The following ZFP64 variants were observed in gnomAD, a reference collection of about 807,000 sequenced individuals.
The protein encoded by ZFP64 is zinc finger protein 64.
A neutral mutation model predicts 51.6 loss-of-function variants in ZFP64; 14 were observed. That is an observed-to-expected ratio of 0.27 (90% CI 0.18 to 0.42). ZFP64 has a LOEUF of 0.42. Among genes scored for constraint, ZFP64 ranks in the 10% least tolerant of loss-of-function variants. The pLI is 1.00. For synonymous variants in ZFP64, 375 were observed against 361.4 expected (o/e 1.04, Z -0.43); for missense variants, 754 against 906.8 (o/e 0.83, Z 2.16).
chr20:52,153,541 T>G lies in ZFP64; in HGVS notation c.764-113A>C. 7.1e-7 allele frequency: 1 copy of G among 1,416,298 alleles called. No homozygotes were observed. The highest frequency in any genetic ancestry group is 9.3e-7 in the Non-Finnish European group (1 of 1,075,856). 87.7% of individuals were successfully genotyped at this position (1,416,298 alleles called of 1,614,324 possible). A position where few individuals can be genotyped will look rare whatever the true frequency, so the allele number is the denominator to read the frequency against. ...ACAAGGTGGGTGGGTGCAGACCTCC[T>G]AACTGCAGCTTCTAGCAGCCCCTGG... On this transcript the variant is annotated intron_variant, in intron 5 of 5. Coordinates refer to ENST00000216923, the MANE Select transcript of ZFP64 (RefSeq NM_018197.3). The surrounding 1 kb of genome is among the most constrained non-coding windows in gnomAD (Gnocchi z 5.1).
intron 5 of ZFP64, among the ~76,000 whole-genome samples, chr20:52,107,539 T>C (rs1386363193): frequency 1.3e-5 from 2 of 152,226 alleles, no homozygotes; most frequent in African/African-American, 4.8e-5. Flanking sequence ...CTCATTCATT[T>C]GCTTTGTCTC....
intron 2 of ZFP64, among the ~76,000 whole-genome samples, chr20:52,179,744 C>T (rs552481562): frequency 1.1e-4 from 16 of 152,302 alleles, no homozygotes; most frequent in African/African-American, 3.8e-4. Flanking sequence ...ATAAGGAAAA[C>T]CTCAGAGGGT....
chr20:52,102,107 C>CAAAAAAAAAAAAAAAAAAAAAAAT (rs34646115), intron 5 of ZFP64, among the ~76,000 whole-genome samples: 2 of 63,438 alleles, frequency 3.2e-5, no homozygotes, highest in Admixed American at 1.9e-4. Flanking sequence ...ACTCCATCTC[C>CAAAAAAAAAAAAAAAAAAAAAAAT]AAAAAAAAAA....
chr20:52,099,645 C>T (rs2093839863), intron 5 of ZFP64, among the ~76,000 whole-genome samples: 1 of 152,122 alleles, frequency 6.6e-6, no homozygotes, highest in African/African-American at 2.4e-5. Flanking sequence ...GAGCATTCCC[C>T]ATAGTCTAAG....
intron 3 of ZFP64, chr20:52,165,457 A>C: frequency 2.2e-6 from 1 of 460,642 alleles, no homozygotes; most frequent in Non-Finnish European, 4.3e-6. Context: ...CATTTGGGGA[A>C]TCTAGATGAA....
At chr20:52,111,626 T>A (rs919370302) in intron 5 of ZFP64, among the ~76,000 whole-genome samples, 12 of 152,086 alleles carry the variant, frequency 7.9e-5, no homozygotes, top group Non-Finnish European at 1.2e-4. Flanking sequence ...TATCTGTAAT[T>A]CTCGCAACTC....
intron 4 of ZFP64, among the ~76,000 whole-genome samples, chr20:52,162,472 G>A (rs4811302): frequency 0.66 from 99,386 of 151,444 alleles, 33,856 homozygotes; most frequent in African/African-American, 0.85. Context: ...CAAAAATACA[G>A]AAAAACTAGC....
chr20:52,120,559 A>G (rs1979131532), intron 5 of ZFP64, among the ~76,000 whole-genome samples: 3 of 147,582 alleles, frequency 2.0e-5, no homozygotes, highest in East Asian at 2.0e-4. Flanking sequence ...TATCGGCTTC[A>G]TTTTTCCAAT....
intron 2 of ZFP64, among the ~76,000 whole-genome samples, chr20:52,176,571 G>A (rs1021223579): frequency 3.7e-4 from 55 of 150,154 alleles, no homozygotes; most frequent in African/African-American, 1.2e-3. Flanking sequence ...CTGCAGTGGC[G>A]CAATCTCGGC....
At chr20:52,187,107 C>T in intron 1 of ZFP64, 36 bp from the exon 2 acceptor site, 1 of 1,580,390 alleles carries the variant, frequency 6.3e-7, no homozygotes, top group Non-Finnish European at 8.6e-7. Flanking sequence ...GGATTAATTC[C>T]AAACAGCTTT....
Position 52,166,664 on chromosome 20 carries a change from C to T in ZFP64, c.287-639G>A, listed in dbSNP as rs367912419. Among the ~76,000 whole-genome samples the T allele has an allele frequency of 2.0e-4, 30 of 152,140 alleles. No individual in the cohort carries two copies. In the East Asian group the frequency reaches 2.7e-3, roughly 14 times the overall value. On this transcript the variant is annotated intron_variant, in intron 2 of 5. Transcript: ENST00000216923. The stretch of plus-strand genomic sequence containing the variant: ...AAGACTGGGGTCTCGCCATGCTGCG[C>T]GGGCTGGTCTCAAACTCCTGAGCTC...
chr20:52,189,253 G>T (rs1163267773), intron 1 of ZFP64, among the ~76,000 whole-genome samples: 1 of 151,648 alleles, frequency 6.6e-6, no homozygotes, highest in Non-Finnish European at 1.5e-5. Flanking sequence ...AAAATTAGCT[G>T]GGTGTGGTGG....
intron 2 of ZFP64, among the ~76,000 whole-genome samples, chr20:52,184,597 G>A (rs1479158184): frequency 1.3e-5 from 2 of 151,946 alleles, no homozygotes; most frequent in East Asian, 3.9e-4. Context: ...TCCATTGTTG[G>A]AATCTTTGAT....
At chr20:52,170,600 T>A (rs1410513271) in intron 2 of ZFP64, among the ~76,000 whole-genome samples, 3 of 152,256 alleles carry the variant, frequency 2.0e-5, no homozygotes, top group African/African-American at 7.2e-5. Flanking sequence ...GAGCTTAGGC[T>A]GTGTCTTACC....
exon 9 of ZFP64, chr20:52,084,789 T>G: frequency 1.2e-6 from 2 of 1,614,230 alleles, no homozygotes; most frequent in South Asian, 2.2e-5. Context: ...GGCCACGTGC[T>G]GGGAGCTGCC....
chr20:52,092,128 C>T (rs532180549), intron 7 of ZFP64, among the ~76,000 whole-genome samples: 4 of 152,280 alleles, frequency 2.6e-5, no homozygotes, highest in South Asian at 4.1e-4. Flanking sequence ...ATTGAGGCTA[C>T]GTATAGCACT....
intron 2 of ZFP64, among the ~76,000 whole-genome samples, chr20:52,184,395 C>A (rs796436496): frequency 6.6e-6 from 1 of 152,214 alleles, no homozygotes; most frequent in Non-Finnish European, 1.5e-5. Context: ...ACAGTCCCCA[C>A]CACTCTCTAA....
intron 5 of ZFP64, among the ~76,000 whole-genome samples, chr20:52,102,604 G>A (rs997650462): frequency 6.6e-6 from 1 of 152,136 alleles, no homozygotes; most frequent in African/African-American, 2.4e-5. Flanking sequence ...AACTCTTGAG[G>A]GTTTTAATTC....
chr20:52,091,715 C>T (rs966680565), intron 7 of ZFP64, among the ~76,000 whole-genome samples: 3 of 151,782 alleles, frequency 2.0e-5, no homozygotes, highest in Admixed American at 1.3e-4. Context: ...TGGCTGGGCG[C>T]GGTGGCTCAC....
Sources: gnomAD v4.1 joint callset for allele counts (sites outside exome capture counted in the v4.1 genomes callset) on GRCh38, gnomAD v4.1.1 for gene constraint, Gnocchi (gnomAD v3.1) non-coding constraint, MANE v1.5 for transcripts, NCBI Gene and HGNC (gene_info 2026-07-23, HGNC 2026-07-21) for gene names.